FSTL5: variants seen among roughly 807,000 people sequenced by gnomAD.
The protein encoded by FSTL5 is follistatin-related protein 5.
Under a neutral mutation model 89.1 loss-of-function variants are expected in FSTL5, and 62 were observed. The observed-to-expected ratio is 0.70, with a 90% CI of 0.57 to 0.86. The LOEUF (loss-of-function observed/expected upper bound fraction) is 0.86, where lower values mean the gene tolerates loss of function less well. FSTL5 is among the 40% of genes least tolerant of loss of function. FSTL5 has a pLI of 0.00. For synonymous variants in FSTL5, 383 were observed against 346.2 expected (o/e 1.11, Z -1.18); for missense variants, 1,057 against 1,001.6 (o/e 1.06, Z -0.75).
At chr4:161,416,392 T>C (rs1731780840) in intron 15 of FSTL5, among the ~76,000 whole-genome samples, 1 of 152,280 alleles carries the variant, frequency 6.6e-6, no homozygotes, top group East Asian at 1.9e-4. Flanking sequence ...GTTTGTTGTG[T>C]TTATGTCTAT....
intron 15 of FSTL5, among the ~76,000 whole-genome samples, chr4:161,419,389 A>C (rs766264491): frequency 7.9e-5 from 12 of 152,214 alleles, no homozygotes; most frequent in Non-Finnish European, 1.5e-4. Flanking sequence ...GACATTAAAA[A>C]AATGTAGTGG....
chr4:161,627,223 A>G (rs1200600516), intron 7 of FSTL5, among the ~76,000 whole-genome samples: 1 of 152,168 alleles, frequency 6.6e-6, no homozygotes, highest in Non-Finnish European at 1.5e-5. Context: ...CAAAATTGCC[A>G]CAGCCACCCC....
chr4:161,998,331 C>T (rs1736361190), intron 3 of FSTL5, among the ~76,000 whole-genome samples: 3 of 152,096 alleles, frequency 2.0e-5, no homozygotes, highest in African/African-American at 7.2e-5. Context: ...GGAACTATCC[C>T]TTTGAAATAT....
At chr4:161,389,256 G>T (rs1245149624) in intron 15 of FSTL5, among the ~76,000 whole-genome samples, 1 of 152,092 alleles carries the variant, frequency 6.6e-6, no homozygotes, top group Non-Finnish European at 1.5e-5. Context: ...TCTAGTATTT[G>T]TCAGAATGTG....
intron 6 of FSTL5, among the ~76,000 whole-genome samples, chr4:161,711,466 CA>C (rs914164743): frequency 6.6e-6 from 1 of 151,684 alleles, no homozygotes; most frequent in Non-Finnish European, 1.5e-5. Context: ...AATTAAGAAA[CA>C]AAAAACTCAA....
intron 5 of FSTL5, among the ~76,000 whole-genome samples, chr4:161,769,896 GA>G (rs1314227623): frequency 8.2e-5 from 12 of 145,968 alleles, no homozygotes; most frequent in South Asian, 4.4e-4. Context: ...TCTTATATTT[GA>G]AAAAAAAAAC....
intron 10 of FSTL5, among the ~76,000 whole-genome samples, chr4:161,511,449 A>G (rs959319549): frequency 1.2e-4 from 19 of 152,244 alleles, no homozygotes; most frequent in African/African-American, 3.8e-4. Flanking sequence ...ACATAAATAC[A>G]TGATGTGTGC....
chr4:162,074,854 A>G (rs1230558212), intron 2 of FSTL5, among the ~76,000 whole-genome samples: 1 of 151,776 alleles, frequency 6.6e-6, no homozygotes, highest in Non-Finnish European at 1.5e-5. Context: ...AGCCTACTAA[A>G]CATCATACCT....
At chr4:161,659,821 A>G (rs900342998) in intron 6 of FSTL5, among the ~76,000 whole-genome samples, 4 of 152,194 alleles carry the variant, frequency 2.6e-5, no homozygotes, top group Non-Finnish European at 4.4e-5. Context: ...TTTCTTGGAT[A>G]TACATTAATA....
intron 7 of FSTL5, among the ~76,000 whole-genome samples, chr4:161,602,253 A>AGAGAGAGAGAGAGAG (rs1734273762): frequency 8.1e-6 from 1 of 122,734 alleles, no homozygotes; most frequent in African/African-American, 3.2e-5. Context: ...GAGGGAGAGA[A>AGAGAGAGAGAGAGAG]AGAGAGAGAG....
intron 4 of FSTL5, among the ~76,000 whole-genome samples, chr4:161,874,595 A>G (rs1317212462): frequency 9.6e-6 from 1 of 103,776 alleles, no homozygotes; most frequent in East Asian, 2.7e-4. Flanking sequence ...TTCTTACTCT[A>G]TTTTTCTTCT....
chr4:161,536,166 C>T (rs1476034588), intron 10 of FSTL5, among the ~76,000 whole-genome samples: 2 of 152,064 alleles, frequency 1.3e-5, no homozygotes, highest in African/African-American at 4.8e-5. Flanking sequence ...GATGTGATCA[C>T]TTGTACCCCA....
intron 4 of FSTL5, among the ~76,000 whole-genome samples, chr4:161,857,266 T>C (rs768735914): frequency 1.3e-5 from 2 of 152,134 alleles, no homozygotes; most frequent in Non-Finnish European, 2.9e-5. Flanking sequence ...AGATACATAT[T>C]TTAAAGGTGT....
chr4:161,610,784 T>G, intron 7 of FSTL5, among the ~76,000 whole-genome samples: 1 of 149,004 alleles, frequency 6.7e-6, no homozygotes, highest in African/African-American at 2.6e-5. Flanking sequence ...CTCTATAATT[T>G]TTTTTTATAT....
At chr4:162,108,321 T>C (rs1184421883) in intron 2 of FSTL5, among the ~76,000 whole-genome samples, 1 of 152,136 alleles carries the variant, frequency 6.6e-6, no homozygotes, top group East Asian at 1.9e-4. Flanking sequence ...AACATTTCAA[T>C]GTAATCTGAC....
intron 8 of FSTL5, among the ~76,000 whole-genome samples, chr4:161,559,341 GTTCT>G (rs1287537983): frequency 2.0e-5 from 3 of 151,294 alleles, no homozygotes; most frequent in Non-Finnish European, 4.4e-5. Flanking sequence ...CCTCCTCCTT[GTTCT>G]TTCTTCTCCT....
intron 4 of FSTL5, among the ~76,000 whole-genome samples, chr4:161,804,631 T>C (rs1446649400): frequency 6.6e-6 from 1 of 151,964 alleles, no homozygotes; most frequent in Admixed American, 6.6e-5. Flanking sequence ...TTAAAATCAA[T>C]AGAAATTTAA....
At chr4:161,929,687 G>GTATA (rs779500610) in intron 3 of FSTL5, among the ~76,000 whole-genome samples, 1 of 116,506 alleles carries the variant, frequency 8.6e-6, no homozygotes, top group Non-Finnish European at 2.0e-5. Flanking sequence ...GTGTGTGTGT[G>GTATA]TGTGTGTGTG....
At chr4:162,033,718 A>C (rs1181095223) in intron 2 of FSTL5, 60 bp from the exon 3 acceptor site, 2 of 942,774 alleles carry the variant, frequency 2.1e-6, no homozygotes, top group Admixed American at 2.7e-5. Flanking sequence ...CAACTGTTTC[A>C]TATAAAGTTT....
Sources: allele counts gnomAD v4.1 joint callset (sites outside exome capture counted in the v4.1 genomes callset), GRCh38; gene constraint gnomAD v4.1.1; transcripts MANE v1.5; gene names NCBI Gene and HGNC (gene_info 2026-07-23, HGNC 2026-07-21).